The following TBC1D15 variants were observed in gnomAD, a reference collection of about 807,000 sequenced individuals.
The protein encoded by TBC1D15 is TBC1 domain family member 15.
In TBC1D15, 39 loss-of-function variants were observed where a neutral mutation model predicts 95.4. The ratio of observed to expected loss-of-function variants is 0.41; its 90% CI spans 0.32 to 0.53. TBC1D15 has a LOEUF of 0.53. Among genes scored for constraint, TBC1D15 ranks in the 20% least tolerant of loss-of-function variants. The pLI, the probability that TBC1D15 is intolerant of heterozygous loss-of-function variation, is 0.29. For synonymous variants in TBC1D15, 258 were observed against 261.3 expected (o/e 0.99, Z 0.12); for missense variants, 733 against 794.3 (o/e 0.92, Z 0.93).
chr12:71,873,234 A>G (rs1355045299), intron 3 of TBC1D15, among the ~76,000 whole-genome samples: 2 of 152,150 alleles, frequency 1.3e-5, no homozygotes, highest in Admixed American at 6.5e-5. Context: ...ACTTTCAGTC[A>G]CTGGCAATCA....
intron 1 of TBC1D15, among the ~76,000 whole-genome samples, chr12:71,860,492 T>C (rs894352842): frequency 2.6e-4 from 39 of 152,318 alleles, no homozygotes; most frequent in African/African-American, 8.9e-4. Flanking sequence ...TTATTTCCTT[T>C]TTTGTTTGTA....
intron 4 of TBC1D15, among the ~76,000 whole-genome samples, chr12:71,884,500 A>T (rs75740808): frequency 1.9e-3 from 289 of 152,312 alleles, no homozygotes; most frequent in Non-Finnish European, 2.5e-3. Flanking sequence ...AGTTAGTAAG[A>T]TGGTAGTGCT....
rs564648467 is a variant in TBC1D15 at position 71,894,282 on chromosome 12, G to A, written c.658-404G>A. 6.3e-5 allele frequency: 99 copies of A among 1,559,454 alleles called. 1 individual carries two copies. In the South Asian group the frequency reaches 1.1e-3, roughly 17 times the overall value. ...CCATCAAATATTTTGTGTCAGAATA[G>A]CATGGTGGTACACACTTCAAGAAAT... On this transcript the variant is annotated intron_variant, in intron 6 of 16. Transcript: ENST00000485960.
At chr12:71,875,360 G>C (rs1893571220) in intron 3 of TBC1D15, among the ~76,000 whole-genome samples, 1 of 152,088 alleles carries the variant, frequency 6.6e-6, no homozygotes, top group African/African-American at 2.4e-5. Flanking sequence ...ATGCTTTGAA[G>C]CACAAACGGT....
At position 71,884,715 on chromosome 12, in the gene TBC1D15, G is replaced by T. The variant is rs971250144; in HGVS notation, c.344-96G>T. On this transcript the variant is annotated intron_variant, in intron 4 of 16. Transcript: ENST00000485960. Reference sequence around the variant, plus strand: ...TATAAGTGCTATACTGATTCCCTGGGTTCAACTAATTTATGTTAGGCAGTC... The same window carrying T: ...TATAAGTGCTATACTGATTCCCTGGTTTCAACTAATTTATGTTAGGCAGTC... 39 of 1,113,924 alleles carry T rather than the reference G, an allele frequency of 3.5e-5. 1 individual carries two copies. The Middle Eastern group carries it at 6.4e-4, about 18-fold the overall frequency. The allele number at this position is 1,113,924 out of a possible 1,614,324, so 69.0% of individuals were successfully genotyped here. A position where few individuals can be genotyped will look rare whatever the true frequency, so the allele number is the denominator to read the frequency against.
At position 71,923,021 on chromosome 12, in the gene TBC1D15, A is replaced by G. The variant is rs1302924920; in HGVS notation, c.1842A>G (p.Gln614=). ...CAGTCTGTGAGATCCTTGGGCTTCA[A>G]GGCAGTGAAGTTACAACACCAGATT... The part of the protein sequence containing the change: ...PQAVCEILGL[Q]GSEVTTPDSD... The change falls in exon 17 of 17, where the codon CAA becomes CAG. Residue 614 remains glutamine (Q), a synonymous_variant. Coordinates refer to ENST00000485960, the MANE Select transcript of TBC1D15 (RefSeq NM_001146213.3). 4 of 1,614,220 alleles carry G rather than the reference A, an allele frequency of 2.5e-6. No individual in the cohort carries two copies. Among genetic ancestry groups the G allele is most frequent in the Admixed American group, 1.7e-5 (1 of 60,032 alleles).
chr12:71,883,851 A>G (rs1046963511), intron 4 of TBC1D15, among the ~76,000 whole-genome samples: 4 of 152,168 alleles, frequency 2.6e-5, no homozygotes, highest in African/African-American at 9.7e-5. Flanking sequence ...TATAAGAACT[A>G]GCATCATTAG....
At chr12:71,860,656 T>A (rs1890173655) in intron 1 of TBC1D15, among the ~76,000 whole-genome samples, 2 of 152,212 alleles carry the variant, frequency 1.3e-5, no homozygotes, top group African/African-American at 4.8e-5. Flanking sequence ...CTTTTAGGGT[T>A]TTCTATGTGT....
rs764824736 is a variant in TBC1D15 at position 71,920,782 on chromosome 12, G to A, written c.1651G>A (p.Ala551Thr). 2 of 1,612,754 alleles carry A rather than the reference G, an allele frequency of 1.2e-6. No homozygotes were observed. Among genetic ancestry groups the A allele is most frequent in the Non-Finnish European group, 1.7e-6 (2 of 1,179,428 alleles). Residue 551 changes from alanine (A) to threonine (T), a missense_variant, in exon 15 of 17, where the codon GCT becomes ACT. Transcript: ENST00000485960. The stretch of plus-strand genomic sequence containing the variant: ...AAATTTCCATCTTCTTCTCTGTTGT[G>A]CTATTCTGGAATCAGAAAAGCAGCA... Reference protein sequence around the residue: ...CTNFHLLLCCAILESEKQQIM... With the variant: ...CTNFHLLLCCTILESEKQQIM...
At chr12:71,869,180 GA>G (rs1892136642) in intron 1 of TBC1D15, among the ~76,000 whole-genome samples, 1 of 152,068 alleles carries the variant, frequency 6.6e-6, no homozygotes, top group Non-Finnish European at 1.5e-5. Flanking sequence ...GATACGGAAG[GA>G]AAAATAATTG....
At chr12:71,921,347 T>C in intron 15 of TBC1D15, 21 bp from the exon 16 acceptor site, 9 of 1,429,216 alleles carry the variant, frequency 6.3e-6, no homozygotes, top group Non-Finnish European at 7.7e-6. Flanking sequence ...GATATCATTT[T>C]ATTTTGTTGA....
At position 71,913,812 on chromosome 12, in the gene TBC1D15, T is replaced by A. The variant is rs996474594; in HGVS notation, c.1301-14T>A. The A allele has an allele frequency of 1.3e-6, 2 of 1,551,132 alleles. No individual in the cohort carries two copies. Among genetic ancestry groups the A allele is most frequent in the African/African-American group, 2.9e-5 (2 of 69,988 alleles). The stretch of plus-strand genomic sequence containing the variant: ...ACTTGGGTTTTCAGAGATGATTTTT[T>A]CTTTTCTTTTTAGGATATGTTCAAG... On this transcript the variant is annotated splice_polypyrimidine_tract_variant and intron_variant, in intron 11 of 16. Transcript: ENST00000485960.
rs149500573 is a variant in TBC1D15, at chr12:71,863,710, T to C, written c.31-8360T>C. On this transcript the variant is annotated intron_variant, in intron 1 of 16. Coordinates refer to ENST00000485960, the MANE Select transcript of TBC1D15 (RefSeq NM_001146213.3). ...ATGGTGTCCCATAAGGCATATAGGC[T>C]TTTGTCACTCTTTTTTTTCCCCTCA... 5.4e-3 allele frequency among the ~76,000 whole-genome samples: 829 copies of C among 152,262 alleles called. 7 individuals carry two copies. Among genetic ancestry groups the C allele is most frequent in the African/African-American group, 0.019 (805 of 41,580 alleles).
At chr12:71,842,411 A>T (rs1427746885) in intron 1 of TBC1D15, among the ~76,000 whole-genome samples, 2 of 152,310 alleles carry the variant, frequency 1.3e-5, no homozygotes, top group East Asian at 3.9e-4. Context: ...TTAATGAGTA[A>T]ATATATTAGA....
At chr12:71,887,078 C>A (rs1428422503) in intron 5 of TBC1D15, among the ~76,000 whole-genome samples, 1 of 152,036 alleles carries the variant, frequency 6.6e-6, no homozygotes, top group Non-Finnish European at 1.5e-5. Flanking sequence ...TAAGAGATAG[C>A]AAACTACTGA....
chr12:71,852,765 C>A (rs1468220190), intron 1 of TBC1D15, among the ~76,000 whole-genome samples: 2 of 152,124 alleles, frequency 1.3e-5, no homozygotes, highest in Admixed American at 6.5e-5. Flanking sequence ...TACTCCACTT[C>A]CCAGTAGTTC....
intron 1 of TBC1D15, among the ~76,000 whole-genome samples, chr12:71,869,729 A>G (rs1187811950): frequency 1.3e-5 from 2 of 152,010 alleles, no homozygotes; most frequent in Non-Finnish European, 2.9e-5. Flanking sequence ...ATTTTAAGGG[A>G]TTTCTTTTCC....
chr12:71,922,377 G>GC (rs1869746698), intron 16 of TBC1D15, among the ~76,000 whole-genome samples: 3 of 150,088 alleles, frequency 2.0e-5, no homozygotes, highest in South Asian at 4.2e-4. Context: ...GACCCATCAC[G>GC]CCCGGCCATG....
intron 11 of TBC1D15, among the ~76,000 whole-genome samples, chr12:71,909,529 T>C (rs1476674972): frequency 1.3e-5 from 2 of 152,214 alleles, no homozygotes; most frequent in African/African-American, 4.8e-5. Context: ...ATGGTGATAC[T>C]GAATAATCAA....
Sources: gnomAD v4.1 joint callset for allele counts (sites outside exome capture counted in the v4.1 genomes callset) on GRCh38, gnomAD v4.1.1 for gene constraint, MANE v1.5 for transcripts, NCBI Gene and HGNC (gene_info 2026-07-23, HGNC 2026-07-21) for gene names.